GDPD5: variants seen among roughly 807,000 people sequenced by gnomAD.
The protein encoded by GDPD5 is glycerophosphodiester phosphodiesterase domain containing 5, also known as glycerophosphodiester phosphodiesterase 2.
Under a neutral mutation model 75.1 loss-of-function variants are expected in GDPD5, and 48 were observed. The observed-to-expected ratio is 0.64, with a 90% CI of 0.51 to 0.81. GDPD5 has a LOEUF of 0.81. Ranked by LOEUF, GDPD5 falls within the 40% of genes least tolerant of loss-of-function variation. GDPD5 has a pLI of 0.00. For missense variants in GDPD5, 706 were observed against 822.6 expected, an observed-to-expected ratio of 0.86 and a Z score of 1.73; for synonymous variants, 336 against 339.0, an observed-to-expected ratio of 0.99 and a Z score of 0.10.
intron 6 of GDPD5, 191 bp downstream of exon 6, chr11:75,456,566 A>G: frequency 1.7e-6 from 1 of 602,490 alleles, no homozygotes; most frequent in Non-Finnish European, 3.0e-6. Context: ...AGGTTGCTGT[A>G]AGGGTTAAGT....
intron 2 of GDPD5, among the ~76,000 whole-genome samples, chr11:75,482,010 A>G (rs565992953): frequency 6.9e-4 from 105 of 152,212 alleles, no homozygotes; most frequent in African/African-American, 2.4e-3. Flanking sequence ...CAACAGGTGG[A>G]CATCCTGCAA....
At chr11:75,441,593 G>T in intron 13 of GDPD5, 53 bp downstream of exon 13, 1 of 1,482,288 alleles carries the variant, frequency 6.7e-7, no homozygotes, top group South Asian at 1.3e-5. Flanking sequence ...TGGCAGGACT[G>T]GGAGAGACTC....
intron 1 of GDPD5, among the ~76,000 whole-genome samples, chr11:75,501,461 C>T (rs1261802689): frequency 6.6e-6 from 1 of 152,240 alleles, no homozygotes. Context: ...TACATGGAGC[C>T]ATACAAAGAC....
intron 3 of GDPD5, among the ~76,000 whole-genome samples, chr11:75,465,278 C>T (rs1949492649): frequency 1.3e-5 from 2 of 152,208 alleles, no homozygotes; most frequent in Admixed American, 1.3e-4. Flanking sequence ...TCTTCAGACC[C>T]CAAGCCTTCA....
intron 2 of GDPD5, among the ~76,000 whole-genome samples, chr11:75,478,264 C>T (rs1015678241): frequency 6.6e-6 from 1 of 152,210 alleles, no homozygotes. Context: ...ATTCTCTTGC[C>T]TCAGCCTCCC....
intron 16 of GDPD5, among the ~76,000 whole-genome samples, chr11:75,436,514 CT>C (rs1303767214): frequency 1.3e-5 from 2 of 150,520 alleles, no homozygotes; most frequent in Admixed American, 6.6e-5. Context: ...TCGACTTTCC[CT>C]GCCACTGTTT....
chr11:75,454,546 G>A (rs928892935), intron 6 of GDPD5, among the ~76,000 whole-genome samples: 9 of 152,212 alleles, frequency 5.9e-5, no homozygotes, highest in African/African-American at 9.7e-5. Flanking sequence ...CTGGGATGTC[G>A]ATCCGGTCTA....
In GDPD5 at chr11:75,441,314, T is replaced by A; in HGVS notation, c.1326-4A>T. ...CAGGTTCCAGGACGCGTAGTCCCTG[T>A]GGGGCAGGGGAGAGGCAGGTCAGCA... On this transcript the variant is annotated splice_polypyrimidine_tract_variant and splice_region_variant and intron_variant, in intron 13 of 16. Transcript: ENST00000336898. The A allele has an allele frequency of 1.2e-6, 2 of 1,614,026 alleles. No homozygotes were observed. Among genetic ancestry groups the A allele is most frequent in the Non-Finnish European group, 1.7e-6 (2 of 1,179,992 alleles).
intron 15 of GDPD5, 32 bp from the exon 16 acceptor site, chr11:75,437,080 C>G (rs1948646329): frequency 6.6e-7 from 1 of 1,513,832 alleles, no homozygotes; most frequent in African/African-American, 1.4e-5. Flanking sequence ...CATCAGGTCT[C>G]TCCTCAGCCC....
chr11:75,502,747 T>C (rs965327297), intron 1 of GDPD5, among the ~76,000 whole-genome samples: 10 of 152,198 alleles, frequency 6.6e-5, no homozygotes, highest in African/African-American at 2.4e-4. Flanking sequence ...AGGACACTCC[T>C]ACTAGAGCCC....
Position 75,439,820 on chromosome 11 carries a change from TG to T in GDPD5, c.1556+58del. 3 of 1,380,244 alleles carry T rather than the reference TG, an allele frequency of 2.2e-6. No homozygotes were observed. The South Asian group carries it at 3.5e-5, about 16-fold the overall frequency. The allele number at this position is 1,380,244 out of a possible 1,614,324, so 85.5% of individuals were successfully genotyped here. A position where few individuals can be genotyped will look rare whatever the true frequency, so the allele number is the denominator to read the frequency against. ...CAGGAGAGGGTTCACCTGGCTGGGGTGGGGGCTGGGCCTGCTGCAGGGTAGG... is the reference window on the plus strand; with the variant it reads ...CAGGAGAGGGTTCACCTGGCTGGGGTGGGGCTGGGCCTGCTGCAGGGTAGG... On this transcript the variant is annotated intron_variant, in intron 15 of 16. Transcript: ENST00000336898.
At chr11:75,513,875 C>T (rs931119480) in intron 1 of GDPD5, among the ~76,000 whole-genome samples, 1 of 152,248 alleles carries the variant, frequency 6.6e-6, no homozygotes, top group Non-Finnish European at 1.5e-5. Flanking sequence ...CTGCTGAGGA[C>T]CTAGAGGGCA....
In GDPD5 at chr11:75,435,526, A is replaced by G. The variant is rs770006144; in HGVS notation, c.1799T>C (p.Ile600Thr). 3 of 1,611,032 alleles carry G rather than the reference A, an allele frequency of 1.9e-6. No homozygotes were observed. Among genetic ancestry groups the G allele is most frequent in the South Asian group, 2.2e-5 (2 of 90,672 alleles). ...RGGGSHTKTLIERSGR is the reference protein window; with the variant it reads ...RGGGSHTKTLTERSGR ...CTTCAGCTAACGCCCACTCCGCTCT[A>G]TGAGGGTCTTGGTGTGGCTGCCACC... Residue 600 changes from isoleucine to threonine, a missense_variant, in exon 17 of 17, where the codon ATA becomes ACA. Transcript: ENST00000336898.
At chr11:75,471,324 C>T (rs759010452) in intron 3 of GDPD5, among the ~76,000 whole-genome samples, 6 of 152,158 alleles carry the variant, frequency 3.9e-5, no homozygotes, top group African/African-American at 7.2e-5. Flanking sequence ...GCATTAGGGC[C>T]GAGCAGGGAA....
chr11:75,481,556 T>C (rs951224068), intron 2 of GDPD5, among the ~76,000 whole-genome samples: 3 of 152,002 alleles, frequency 2.0e-5, no homozygotes, highest in Non-Finnish European at 2.9e-5. Flanking sequence ...TTGGCTCCCA[T>C]GGGGCTAGAG....
intron 9 of GDPD5, chr11:75,448,672 A>G: frequency 9.0e-7 from 1 of 1,105,204 alleles, no homozygotes; most frequent in Non-Finnish European, 1.1e-6. Context: ...CCCAGGCCCC[A>G]CACTCAGCAT....
chr11:75,516,703 G>A (rs996908278), intron 1 of GDPD5, among the ~76,000 whole-genome samples: 3 of 152,194 alleles, frequency 2.0e-5, no homozygotes, highest in African/African-American at 4.8e-5. Context: ...TTTACGGTAG[G>A]CACTGTGCTC....
At chr11:75,523,972 A>G (rs1941565764) in intron 1 of GDPD5, among the ~76,000 whole-genome samples, 1 of 152,184 alleles carries the variant, frequency 6.6e-6, no homozygotes, top group Non-Finnish European at 1.5e-5. Flanking sequence ...CAGGGCCCAG[A>G]CCAAGGCCAT....
intron 9 of GDPD5, chr11:75,448,684 C>T (rs1949050110): frequency 1.8e-6 from 2 of 1,125,272 alleles, no homozygotes; most frequent in Non-Finnish European, 2.2e-6. Flanking sequence ...ACTCAGCATC[C>T]ATCTCCTGGG....
Sources: allele counts gnomAD v4.1 joint callset (sites outside exome capture counted in the v4.1 genomes callset), GRCh38; gene constraint gnomAD v4.1.1; transcripts MANE v1.5; gene names NCBI Gene and HGNC (gene_info 2026-07-23, HGNC 2026-07-21).